The following DPYSL3 variants were observed in gnomAD, a reference collection of about 807,000 sequenced individuals.
DPYSL3 encodes the protein dihydropyrimidinase like 3, also known as dihydropyrimidinase-related protein 3.
A neutral mutation model predicts 66.1 loss-of-function variants in DPYSL3; 16 were observed. That is an observed-to-expected ratio of 0.24 (90% CI 0.16 to 0.37). DPYSL3 has a LOEUF of 0.37. Ranked by LOEUF, DPYSL3 falls within the 10% of genes least tolerant of loss-of-function variation. DPYSL3 has a pLI of 1.00. For missense variants in DPYSL3, 738 were observed against 916.2 expected (o/e 0.81, Z 2.51); for synonymous variants, 338 against 345.1 (o/e 0.98, Z 0.23).
chr5:147,400,253 G>A (rs1758131462), intron 10 of DPYSL3, among the ~76,000 whole-genome samples: 1 of 152,140 alleles, frequency 6.6e-6, no homozygotes, highest in Non-Finnish European at 1.5e-5. Context: ...TCGCCTGAAT[G>A]ACCACATGCC....
chr5:147,401,983 C>A (rs1758196030), intron 8 of DPYSL3: 1 of 295,836 alleles, frequency 3.4e-6, no homozygotes, highest in Non-Finnish European at 6.2e-6. Flanking sequence ...ATAAAATATA[C>A]ATATTGATTT....
intron 1 of DPYSL3, among the ~76,000 whole-genome samples, chr5:147,452,469 A>ACACACC (rs3064306): frequency 2.0e-5 from 3 of 150,708 alleles, no homozygotes; most frequent in African/African-American, 7.4e-5. Context: ...ACACACACAC[A>ACACACC]CCATCCAATT....
At chr5:147,453,752 C>T (rs1752791896) in intron 1 of DPYSL3, 1 of 1,317,086 alleles carries the variant, frequency 7.6e-7, no homozygotes, top group Non-Finnish European at 9.7e-7. Context: ...GCTCCCGCGG[C>T]GGCTGCCAGA....
intron 1 of DPYSL3, among the ~76,000 whole-genome samples, chr5:147,469,525 G>C (rs1753055105): frequency 6.6e-6 from 1 of 152,178 alleles, no homozygotes; most frequent in Non-Finnish European, 1.5e-5. Flanking sequence ...TTCTGGGAAT[G>C]CTCCAATAAA....
intron 8 of DPYSL3, among the ~76,000 whole-genome samples, chr5:147,402,549 G>A (rs1310844260): frequency 4.3e-5 from 6 of 139,440 alleles, no homozygotes; most frequent in African/African-American, 2.0e-4. Context: ...GGGTTTCACC[G>A]TGTTAGCCAG....
intron 1 of DPYSL3, among the ~76,000 whole-genome samples, chr5:147,491,972 C>T (rs12517529): frequency 6.6e-6 from 1 of 151,362 alleles, no homozygotes; most frequent in Non-Finnish European, 1.5e-5. Context: ...AGATAAACAT[C>T]AAAAAAAACC....
At chr5:147,474,281 C>T (rs2126426943) in intron 1 of DPYSL3, among the ~76,000 whole-genome samples, 1 of 152,136 alleles carries the variant, frequency 6.6e-6, no homozygotes, top group South Asian at 2.1e-4. Flanking sequence ...TTTATTAATA[C>T]ACATAGTTCA....
At chr5:147,474,745 C>T (rs1401843782) in intron 1 of DPYSL3, among the ~76,000 whole-genome samples, 2 of 151,996 alleles carry the variant, frequency 1.3e-5, no homozygotes, top group Non-Finnish European at 2.9e-5. Context: ...ATAATTAGAT[C>T]ATCTCATGTA....
chr5:147,485,400 A>T (rs1470094863), intron 1 of DPYSL3, among the ~76,000 whole-genome samples: 2 of 152,192 alleles, frequency 1.3e-5, no homozygotes, highest in Non-Finnish European at 2.9e-5. Flanking sequence ...ATAAACCAGG[A>T]GTACTTCCTC....
chr5:147,421,430 T>C (rs529703341), intron 2 of DPYSL3, among the ~76,000 whole-genome samples: 91 of 152,248 alleles, frequency 6.0e-4, no homozygotes, highest in African/African-American at 1.6e-3. Flanking sequence ...AATGGCCATA[T>C]TGCCCCAAGT....
At chr5:147,472,801 T>C (rs1386493544) in intron 1 of DPYSL3, 3 of 152,200 alleles carry the variant, frequency 2.0e-5, no homozygotes, top group Admixed American at 1.3e-4. Context: ...GTCTCTTGCT[T>C]ACTGGTGTTT....
chr5:147,457,912 G>A (rs182239788), intron 1 of DPYSL3, among the ~76,000 whole-genome samples: 2 of 152,306 alleles, frequency 1.3e-5, no homozygotes, highest in East Asian at 3.9e-4. Context: ...TTCCGGGAAG[G>A]ACTTCATGGA....
At chr5:147,505,056 T>C (rs905965176) in intron 1 of DPYSL3, among the ~76,000 whole-genome samples, 2 of 152,210 alleles carry the variant, frequency 1.3e-5, no homozygotes, top group Non-Finnish European at 2.9e-5. Flanking sequence ...AAATTATAAA[T>C]GAAAAGTTGT....
intron 1 of DPYSL3, among the ~76,000 whole-genome samples, chr5:147,464,657 T>C (rs1265262348): frequency 6.6e-6 from 1 of 152,218 alleles, no homozygotes; most frequent in African/African-American, 2.4e-5. Context: ...ACATCAGCCA[T>C]AATGTACTTG....
chr5:147,418,195 C>T (rs1272147410), intron 3 of DPYSL3, among the ~76,000 whole-genome samples: 1 of 152,184 alleles, frequency 6.6e-6, no homozygotes, highest in Non-Finnish European at 1.5e-5. Flanking sequence ...ATTGCAGGAG[C>T]CAGCGCCTGC....
At chr5:147,428,389 A>C (rs1752239642) in intron 1 of DPYSL3, among the ~76,000 whole-genome samples, 1 of 152,054 alleles carries the variant, frequency 6.6e-6, no homozygotes, top group Admixed American at 6.5e-5. Flanking sequence ...AACTCTTTCC[A>C]TGGAAGGGGG....
chr5:147,481,400 T>G (rs1753241731), intron 1 of DPYSL3, among the ~76,000 whole-genome samples: 2 of 152,230 alleles, frequency 1.3e-5, no homozygotes, highest in Middle Eastern at 3.2e-3. Flanking sequence ...CAAATTAGCC[T>G]GTTACTATTT....
intron 2 of DPYSL3, among the ~76,000 whole-genome samples, chr5:147,419,738 G>A (rs866555768): frequency 2.0e-5 from 3 of 152,090 alleles, no homozygotes; most frequent in Non-Finnish European, 4.4e-5. Flanking sequence ...CAAGTTCTGC[G>A]ACTAAAATAA....
At chr5:147,489,760 T>C (rs1477097825) in intron 1 of DPYSL3, among the ~76,000 whole-genome samples, 1 of 151,398 alleles carries the variant, frequency 6.6e-6, no homozygotes, top group African/African-American at 2.4e-5. Flanking sequence ...GCAGCTAAGA[T>C]TTAAAATTCT....
Sources: allele counts gnomAD v4.1 joint callset (sites outside exome capture counted in the v4.1 genomes callset), GRCh38; gene constraint gnomAD v4.1.1; transcripts MANE v1.5; gene names NCBI Gene and HGNC (gene_info 2026-07-23, HGNC 2026-07-21).